The following SRGAP2C variants were observed in gnomAD, a reference collection of about 807,000 sequenced individuals.
SRGAP2C encodes the protein SLIT-ROBO Rho GTPase-activating protein 2C.
A neutral mutation model predicts 25.1 loss-of-function variants in SRGAP2C; 15 were observed. The observed-to-expected ratio is 0.60, with a 90% CI of 0.40 to 0.92. SRGAP2C has a LOEUF of 0.92. SRGAP2C is among the 40% of genes least tolerant of loss of function. The pLI, the probability that SRGAP2C is intolerant of heterozygous loss-of-function variation, is 0.00. For synonymous variants in SRGAP2C, 44 were observed against 96.6 expected, an observed-to-expected ratio of 0.46 and a Z score of 3.19; for missense variants, 144 against 264.4, an observed-to-expected ratio of 0.54 and a Z score of 3.16.
intron 3 of SRGAP2C, among the ~76,000 whole-genome samples, chr1:121,285,350 A>G (rs1244649840): frequency 1.4e-5 from 2 of 147,202 alleles, no homozygotes; most frequent in African/African-American, 5.0e-5. Context: ...CTGAGGCATA[A>G]AAAGGTTAAG....
At chr1:121,304,049 C>CA (rs1168974269) in intron 3 of SRGAP2C, among the ~76,000 whole-genome samples, 101 of 145,364 alleles carry the variant, frequency 6.9e-4, no homozygotes, top group African/African-American at 1.0e-3. Flanking sequence ...CTAAAAAATA[C>CA]AAAAAAAAAA....
At chr1:121,261,094 AT>A (rs1211026484) in intron 2 of SRGAP2C, among the ~76,000 whole-genome samples, 247 of 26,196 alleles carry the variant, frequency 9.4e-3, no homozygotes, top group African/African-American at 0.029. Context: ...ACACCTGGCT[AT>A]TTTTTTTTTT....
At chr1:121,248,682 G>T (rs1301877221) in intron 2 of SRGAP2C, among the ~76,000 whole-genome samples, 1 of 142,682 alleles carries the variant, frequency 7.0e-6, no homozygotes, top group East Asian at 2.1e-4. Context: ...TCCTGACCTC[G>T]TGATCCGCCT....
At chr1:121,289,249 C>G (rs1437805740) in intron 3 of SRGAP2C, among the ~76,000 whole-genome samples, 1 of 149,776 alleles carries the variant, frequency 6.7e-6, no homozygotes, top group Non-Finnish European at 1.5e-5. Flanking sequence ...AGCCCTGCCC[C>G]GCGGGAAGGC....
chr1:121,257,972 T>A (rs144140217), intron 2 of SRGAP2C, among the ~76,000 whole-genome samples: 1 of 48,776 alleles, frequency 2.1e-5, no homozygotes, highest in Admixed American at 2.2e-4. Context: ...GGTGGGGGGG[T>A]GGGGTAGGGG....
rs1657397244 is a variant in SRGAP2C at position 121,287,542 on chromosome 1, T to G, written c.260+2547T>G. Among the ~76,000 whole-genome samples, 28 of 151,454 alleles carry G rather than the reference T, an allele frequency of 1.8e-4. No individual in the cohort carries two copies. In the South Asian group the frequency reaches 5.9e-3, roughly 32 times the overall value. On this transcript the variant is annotated intron_variant, in intron 3 of 9. Coordinates refer to ENST00000367123, the MANE Select transcript of SRGAP2C (RefSeq NM_001329984.2). ...TTCTGTTGGTAATCTCATCCTAAAT[T>G]TAAAATAGCATTTGATTTTTAGTAC...
intron 2 of SRGAP2C, among the ~76,000 whole-genome samples, chr1:121,202,417 CT>C (rs1655006990): frequency 6.8e-6 from 1 of 148,106 alleles, no homozygotes; most frequent in African/African-American, 2.6e-5. Flanking sequence ...TATTTAGCAC[CT>C]ACTGTATGTT....
At chr1:121,366,008 G>A (rs1301294850) in intron 5 of SRGAP2C, among the ~76,000 whole-genome samples, 27 of 143,026 alleles carry the variant, frequency 1.9e-4, no homozygotes, top group African/African-American at 6.5e-4. Flanking sequence ...GTTAATTCAT[G>A]CGCAGAGAGG....
intron 2 of SRGAP2C, among the ~76,000 whole-genome samples, chr1:121,283,988 T>C (rs1657306645): frequency 6.6e-6 from 1 of 150,376 alleles, no homozygotes; most frequent in Non-Finnish European, 1.5e-5. Context: ...TAACCAGAAG[T>C]ATTTCTAGCT....
intron 2 of SRGAP2C, among the ~76,000 whole-genome samples, chr1:121,217,115 T>C (rs1386278870): frequency 1.3e-5 from 2 of 151,854 alleles, no homozygotes; most frequent in Non-Finnish European, 2.9e-5. Flanking sequence ...TTTGTTTCTT[T>C]GAAATCATAG....
intron 3 of SRGAP2C, among the ~76,000 whole-genome samples, chr1:121,308,721 C>T: frequency 6.6e-6 from 1 of 150,922 alleles, no homozygotes; most frequent in East Asian, 2.0e-4. Context: ...GACAGATCAC[C>T]TGAGGTCAGG....
chr1:121,315,869 C>T (rs1424681391), intron 3 of SRGAP2C, among the ~76,000 whole-genome samples: 1 of 80,278 alleles, frequency 1.2e-5, no homozygotes, highest in Non-Finnish European at 2.5e-5. Context: ...TCTAAATATA[C>T]CCTGTCCTCA....
chr1:121,379,160 G>C (rs1285316528), intron 7 of SRGAP2C, among the ~76,000 whole-genome samples: 1 of 152,202 alleles, frequency 6.6e-6, no homozygotes, highest in Non-Finnish European at 1.5e-5. Flanking sequence ...GAACTTGGCT[G>C]TTTCAGTAAG....
rs1406360877 is a variant in SRGAP2C at position 121,284,926 on chromosome 1, C to A, written c.191C>A (p.Ser64Tyr). 17 of 1,546,270 alleles carry A rather than the reference C, an allele frequency of 1.1e-5. No individual in the cohort carries two copies. The highest frequency in any genetic ancestry group is 1.4e-5 in the Non-Finnish European group (16 of 1,144,670). ...RKKAEIEMDY[S>Y]RNLEKLAEHF... ...AAGGCAGAGATTGAGATGGACTACT[C>A]CCGCAACCTGGAGAAGCTGGCAGAA... The change falls in exon 3 of 10, where the codon TCC becomes TAC. Residue 64 changes from serine (S) to tyrosine (Y), a missense_variant. Physicochemically the swap from Ser to Tyr is moderately radical, Grantham distance 144 (BLOSUM62 -2). Transcript: ENST00000367123.
intron 3 of SRGAP2C, among the ~76,000 whole-genome samples, chr1:121,286,093 A>G (rs1307315516): frequency 1.3e-5 from 2 of 152,102 alleles, no homozygotes; most frequent in Admixed American, 6.5e-5. Context: ...CCCACAGGCC[A>G]TAGGTTGGAC....
At chr1:121,336,188 C>T (rs1327698024) in intron 4 of SRGAP2C, among the ~76,000 whole-genome samples, 1 of 152,002 alleles carries the variant, frequency 6.6e-6, no homozygotes, top group Non-Finnish European at 1.5e-5. Context: ...TCCTGTTTGC[C>T]TTGGGCTGAG....
At chr1:121,198,825 G>A (rs587661681) in intron 2 of SRGAP2C, among the ~76,000 whole-genome samples, 7,135 of 149,200 alleles carry the variant, frequency 0.048, 556 homozygotes, top group African/African-American at 0.17. Flanking sequence ...ACTTTGTTAC[G>A]CGTTGAGCTA....
intron 2 of SRGAP2C, among the ~76,000 whole-genome samples, chr1:121,260,425 A>C (rs1295585467): frequency 6.6e-6 from 1 of 151,952 alleles, no homozygotes; most frequent in Non-Finnish European, 1.5e-5. Flanking sequence ...ATGAGGTGGA[A>C]GTACTAGGAG....
At position 121,185,083 on chromosome 1, in the gene SRGAP2C, G is replaced by C. The variant is rs587766772; in HGVS notation, c.-584G>C. 27 of 508,300 alleles carry C rather than the reference G, an allele frequency of 5.3e-5. No homozygotes were observed. Among genetic ancestry groups the C allele is most frequent in the Middle Eastern group, 5.0e-4 (1 of 1,990 alleles). 31.5% of individuals were successfully genotyped at this position (508,300 alleles called of 1,614,324 possible). ...GAGAGGGGAGGAGAGCTCTGAGTGG[G>C]AAGCGGAACCGGGGGCCTGGGACCC... On this transcript the variant is annotated 5_prime_UTR_variant, in exon 1 of 10. Coordinates refer to ENST00000367123, the MANE Select transcript of SRGAP2C (RefSeq NM_001329984.2).
Sources: allele counts gnomAD v4.1 joint callset (sites outside exome capture counted in the v4.1 genomes callset), GRCh38; gene constraint gnomAD v4.1.1; transcripts MANE v1.5; gene names NCBI Gene and HGNC (gene_info 2026-07-23, HGNC 2026-07-21).